The following DCAF1 variants were observed in gnomAD, a reference collection of about 807,000 sequenced individuals.
The protein encoded by DCAF1 is DDB1 and CUL4 associated factor 1, also known as DDB1- and CUL4-associated factor 1.
A neutral mutation model predicts 128.0 loss-of-function variants in DCAF1; 15 were observed. That is an observed-to-expected ratio of 0.12 (90% CI 0.08 to 0.18). The LOEUF (loss-of-function observed/expected upper bound fraction) is 0.18. Ranked by LOEUF, DCAF1 falls within the 10% of genes least tolerant of loss-of-function variation. DCAF1 has a pLI of 1.00. For synonymous variants in DCAF1, 610 were observed against 603.0 expected, an observed-to-expected ratio of 1.01 and a Z score of -0.17; for missense variants, 988 against 1,649.5, an observed-to-expected ratio of 0.60 and a Z score of 6.95.
chr3:51,472,573 T>C (rs1704878696), intron 3 of DCAF1, among the ~76,000 whole-genome samples: 1 of 152,080 alleles, frequency 6.6e-6, no homozygotes, highest in Non-Finnish European at 1.5e-5. Flanking sequence ...TTCACATAAA[T>C]TGAACCATAT....
intron 10 of DCAF1, among the ~76,000 whole-genome samples, chr3:51,431,825 G>T (rs1553635658): frequency 1.3e-5 from 2 of 151,714 alleles, no homozygotes; most frequent in African/African-American, 4.8e-5. Flanking sequence ...ACAAAAATTA[G>T]CCAGGTGTGG....
intron 2 of DCAF1, among the ~76,000 whole-genome samples, chr3:51,496,332 C>T (rs78170456): frequency 0.072 from 11,020 of 152,126 alleles, 953 homozygotes; most frequent in East Asian, 0.33. Context: ...GAGGCTGAGG[C>T]AGCAGAATCG....
At chr3:51,475,803 G>A (rs1173541394) in intron 3 of DCAF1, among the ~76,000 whole-genome samples, 1 of 152,074 alleles carries the variant, frequency 6.6e-6, no homozygotes, top group Non-Finnish European at 1.5e-5. Flanking sequence ...GGAGCTTGCA[G>A]TGAGCCGAGA....
chr3:51,463,274 T>A lies in DCAF1; in HGVS notation c.262-47A>T, dbSNP rs1553645328. ...ACTGTTCATCTAAAATTCAACCCAG[T>A]CAAATTAAGGACATCTAATAAAACC... On this transcript the variant is annotated intron_variant, in intron 5 of 24. Coordinates refer to ENST00000684031, the MANE Select transcript of DCAF1 (RefSeq NM_001387579.1). 5 of 1,308,238 alleles carry A rather than the reference T, an allele frequency of 3.8e-6. No individual in the cohort carries two copies. The East Asian group carries it at 1.3e-4, about 34-fold the overall frequency. 81.0% of individuals were successfully genotyped at this position (1,308,238 alleles called of 1,614,324 possible).
At chr3:51,443,936 G>C (rs781887827) in intron 6 of DCAF1, 33 bp from the exon 7 acceptor site, 1 of 1,536,612 alleles carries the variant, frequency 6.5e-7, no homozygotes, top group South Asian at 1.3e-5. Context: ...GTACATTTCG[G>C]AAAAAGCCCA....
intron 13 of DCAF1, 104 bp from the exon 14 acceptor site, chr3:51,422,535 C>A (rs1699500296): frequency 1.5e-6 from 1 of 667,596 alleles, no homozygotes; most frequent in Non-Finnish European, 2.8e-6. Flanking sequence ...CACACAGAGA[C>A]AATAAATCAG....
chr3:51,428,560 T>G (rs1409870655), intron 12 of DCAF1, among the ~76,000 whole-genome samples: 4 of 152,182 alleles, frequency 2.6e-5, no homozygotes, highest in South Asian at 4.1e-4. Flanking sequence ...AATCTGCTGG[T>G]GATTTTTTAA....
At chr3:51,444,580 G>A (rs1235020663) in intron 6 of DCAF1, among the ~76,000 whole-genome samples, 1 of 152,066 alleles carries the variant, frequency 6.6e-6, no homozygotes, top group Non-Finnish European at 1.5e-5. Context: ...TCGAACTCTT[G>A]ACTTCAAGTG....
intron 6 of DCAF1, among the ~76,000 whole-genome samples, chr3:51,450,359 A>G (rs535807242): frequency 1.3e-5 from 2 of 152,324 alleles, no homozygotes; most frequent in Non-Finnish European, 1.5e-5. Flanking sequence ...ATAGTTATAA[A>G]AATCCTCAAC....
intron 3 of DCAF1, 93 bp from the exon 4 acceptor site, chr3:51,471,098 AAAAGC>A: frequency 1.4e-6 from 1 of 739,742 alleles, no homozygotes. Flanking sequence ...GGTAGAAAAT[AAAAGC>A]AAAGTTAGAA....
chr3:51,460,282 C>A (rs575097887), intron 6 of DCAF1, among the ~76,000 whole-genome samples: 1 of 152,172 alleles, frequency 6.6e-6, no homozygotes, highest in Admixed American at 6.5e-5. Flanking sequence ...AACAAGAGAG[C>A]CAAATCATGA....
chr3:51,488,416 G>A (rs1192469466), intron 2 of DCAF1, among the ~76,000 whole-genome samples: 5 of 152,132 alleles, frequency 3.3e-5, no homozygotes, highest in Non-Finnish European at 4.4e-5. Flanking sequence ...CATGGCTCAC[G>A]CCTGTAATCC....
At chr3:51,503,188 C>T (rs1283671916), upstream of DCAF1, among the ~76,000 whole-genome samples, 1 of 152,120 alleles carries the variant, frequency 6.6e-6, no homozygotes, top group Non-Finnish European at 1.5e-5. Context: ...GAAGCCCCAT[C>T]TGAAAGAGTG....
intron 9 of DCAF1, among the ~76,000 whole-genome samples, chr3:51,434,918 C>T (rs1263608419): frequency 1.3e-5 from 2 of 152,098 alleles, no homozygotes; most frequent in East Asian, 1.9e-4. Context: ...AAAGCTAGAG[C>T]TCCCCCTACT....
upstream of DCAF1, among the ~76,000 whole-genome samples, chr3:51,501,570 C>T (rs966947626): frequency 4.6e-5 from 7 of 152,158 alleles, no homozygotes; most frequent in Admixed American, 3.3e-4. Context: ...TGCTCAGGCT[C>T]GACAGCTAGT....
chr3:51,493,736 A>T (rs1008123024), intron 2 of DCAF1, among the ~76,000 whole-genome samples: 1 of 152,050 alleles, frequency 6.6e-6, no homozygotes, highest in Non-Finnish European at 1.5e-5. Flanking sequence ...GGTGGCTCAC[A>T]CCTGTAACCC....
chr3:51,420,238 G>C lies in DCAF1; in HGVS notation c.2732C>G (p.Thr911Ser), dbSNP rs1468794301. Residue 911 changes from threonine (T) to serine (S), a missense_variant, in exon 15 of 25, where the codon ACT becomes AGT. Around this residue, in one of 11 missense-constraint regions of DCAF1, gnomAD observed 88 missense variants for 107.7 expected, o/e 0.82. Transcript: ENST00000684031. This position sits in a 1 kb window ranked among gnomAD's most constrained non-coding sequence, Gnocchi z 6.5. ...RTPRIANGIA[T>S]RLGSHAAVGA... ...CACAGCAGCATGGCTGCCCAGACGA[G>C]TTGCAATGCCATTAGCGATACGAGG... The C allele has an allele frequency of 3.7e-6, 6 of 1,613,936 alleles. No individual in the cohort carries two copies. In the East Asian group the frequency reaches 1.1e-4, roughly 30 times the overall value.
intron 23 of DCAF1, among the ~76,000 whole-genome samples, chr3:51,411,180 AAGAG>A (rs1165510900): frequency 6.6e-6 from 1 of 151,724 alleles, no homozygotes; most frequent in Non-Finnish European, 1.5e-5. Context: ...AAAAAAAAAA[AAGAG>A]AGACAAAGCA....
chr3:51,431,537 A>G (rs1297073087), intron 10 of DCAF1, among the ~76,000 whole-genome samples: 2 of 151,616 alleles, frequency 1.3e-5, no homozygotes, highest in African/African-American at 4.8e-5. Flanking sequence ...AAAAAAAAAA[A>G]AGATTATATA....
Sources: allele counts gnomAD v4.1 joint callset (sites outside exome capture counted in the v4.1 genomes callset), GRCh38; gene constraint gnomAD v4.1.1; regional missense constraint gnomAD v4.1.1; non-coding constraint Gnocchi (gnomAD v3.1); transcripts MANE v1.5; gene names NCBI Gene and HGNC (gene_info 2026-07-23, HGNC 2026-07-21).